Variants in CNTN5 observed in about 807,000 individuals in gnomAD.
CNTN5 encodes contactin-5.
A neutral mutation model predicts 129.1 loss-of-function variants in CNTN5; 77 were observed. The observed-to-expected ratio is 0.60, with a 90% CI of 0.50 to 0.72. The LOEUF is 0.72. Ranked by LOEUF, CNTN5 falls within the 30% of genes least tolerant of loss-of-function variation. CNTN5 has a pLI of 0.00. For synonymous variants in CNTN5, 509 were observed against 465.6 expected, an observed-to-expected ratio of 1.09 and a Z score of -1.20; for missense variants, 1,478 against 1,328.8, an observed-to-expected ratio of 1.11 and a Z score of -1.75.
rs1342365938 is a variant in CNTN5, at chr11:100,291,782, TAAATAAAA to T, written c.2315-5840_2315-5833del. Among the ~76,000 whole-genome samples the T allele has an allele frequency of 8.1e-3, 397 of 49,046 alleles. 2 individuals are homozygous for T. Among genetic ancestry groups the T allele is most frequent in the Non-Finnish European group, 0.018 (243 of 13,882 alleles). 32.2% of individuals were successfully genotyped at this position (49,046 alleles called of 152,430 possible). On this transcript the variant is annotated intron_variant, in intron 18 of 24. Transcript: ENST00000524871. ...ATAAATAAATAAATAAATAAATAAA[TAAATAAAA>T]AATATAAATAAATAAAAAATTAAAA...
intron 3 of CNTN5, among the ~76,000 whole-genome samples, chr11:99,659,660 T>G (rs949626340): frequency 2.6e-5 from 4 of 152,152 alleles, no homozygotes; most frequent in Admixed American, 6.6e-5. Context: ...GGAAGTAGAA[T>G]TCTCCCTTCC....
intron 1 of CNTN5, among the ~76,000 whole-genome samples, chr11:99,308,262 T>A (rs950700082): frequency 2.0e-5 from 3 of 152,106 alleles, no homozygotes; most frequent in African/African-American, 7.2e-5. Flanking sequence ...AAGCAACAAA[T>A]AAAGAGCTGT....
At chr11:100,255,673 T>A in intron 16 of CNTN5, 87 bp from the exon 17 acceptor site, 1 of 1,146,614 alleles carries the variant, frequency 8.7e-7, no homozygotes, top group Non-Finnish European at 1.3e-6. Context: ...ATTACATAGT[T>A]GGATGTGCTA....
At chr11:99,846,691 C>A (rs1448485093) in intron 6 of CNTN5, among the ~76,000 whole-genome samples, 2 of 152,020 alleles carry the variant, frequency 1.3e-5, no homozygotes, top group African/African-American at 4.8e-5. Context: ...TCTATGTAAT[C>A]TTTCCCAGGT....
intron 2 of CNTN5, among the ~76,000 whole-genome samples, chr11:99,370,195 T>G (rs1939740473): frequency 6.6e-6 from 1 of 152,216 alleles, no homozygotes; most frequent in Admixed American, 6.5e-5. Flanking sequence ...AGCTCTGTCA[T>G]AAACTATTTC....
At chr11:99,925,162 G>A (rs1467345096) in intron 7 of CNTN5, among the ~76,000 whole-genome samples, 2 of 152,092 alleles carry the variant, frequency 1.3e-5, no homozygotes, top group Admixed American at 6.5e-5. Flanking sequence ...GAATTGTGGT[G>A]GTATGCATAT....
In CNTN5 at chr11:99,724,442, G is replaced by C. The variant is rs12806864; in HGVS notation, c.56-95102G>C. ...ATTCCATATAGCAACACCACTACAC[G>C]ATTTTCACTTGACAATTATAACAGT... is the stretch of plus-strand genomic sequence containing the variant. On this transcript the variant is annotated intron_variant, in intron 3 of 24. Coordinates refer to ENST00000524871, the MANE Select transcript of CNTN5 (RefSeq NM_014361.4). 6.4e-3 allele frequency among the ~76,000 whole-genome samples: 970 copies of C among 152,202 alleles called. 2 individuals carry two copies. Among genetic ancestry groups the C allele is most frequent in the Non-Finnish European group, 0.01 (707 of 68,008 alleles).
rs181381778 is a variant in CNTN5, at chr11:100,264,891, T to C, written c.2165-6201T>C. Among the ~76,000 whole-genome samples, 421 of 152,242 alleles carry C rather than the reference T, an allele frequency of 2.8e-3. 9 individuals carry two copies. Among genetic ancestry groups the C allele is most frequent in the Admixed American group, 0.024 (374 of 15,274 alleles). On this transcript the variant is annotated intron_variant, in intron 17 of 24. Coordinates refer to ENST00000524871, the MANE Select transcript of CNTN5 (RefSeq NM_014361.4). ...CTATTTCTCCACAGCCTCACCAACA[T>C]CTGTTTTTTCTTGACTTTTTAGTAA... is the stretch of plus-strand genomic sequence containing the variant.
At chr11:99,989,935 T>A (rs921824302) in intron 8 of CNTN5, among the ~76,000 whole-genome samples, 2 of 152,036 alleles carry the variant, frequency 1.3e-5, no homozygotes, top group African/African-American at 4.8e-5. Context: ...ACAGCTACTT[T>A]TTTGTATTTT....
intron 15 of CNTN5, among the ~76,000 whole-genome samples, chr11:100,211,414 C>T (rs780893248): frequency 7.9e-5 from 12 of 151,512 alleles, no homozygotes; most frequent in Middle Eastern, 3.4e-3. Context: ...TGAAGACCAA[C>T]GGAATTGAGC....
chr11:99,599,861 G>C (rs763913736), intron 3 of CNTN5, among the ~76,000 whole-genome samples: 1 of 151,918 alleles, frequency 6.6e-6, no homozygotes, highest in Admixed American at 6.6e-5. Context: ...ACATTTAAAA[G>C]TCAATAAAAC....
intron 3 of CNTN5, among the ~76,000 whole-genome samples, chr11:99,617,284 G>T (rs1950791250): frequency 6.6e-6 from 1 of 152,194 alleles, no homozygotes; most frequent in Non-Finnish European, 1.5e-5. Context: ...CATCCTGGCT[G>T]CAGTGTAAGT....
chr11:99,295,580 G>A (rs961121834), intron 1 of CNTN5, among the ~76,000 whole-genome samples: 3 of 152,236 alleles, frequency 2.0e-5, no homozygotes, highest in Non-Finnish European at 4.4e-5. Context: ...TGTGGGTTAA[G>A]AGTTTTGACT....
chr11:99,357,880 T>C (rs1016724661), intron 2 of CNTN5, among the ~76,000 whole-genome samples: 1 of 151,214 alleles, frequency 6.6e-6, no homozygotes, highest in Non-Finnish European at 1.5e-5. Flanking sequence ...ACTTTCAACC[T>C]GTAGTCCCAG....
chr11:99,679,045 AT>A (rs930658619), intron 3 of CNTN5, among the ~76,000 whole-genome samples: 17 of 147,404 alleles, frequency 1.2e-4, no homozygotes, highest in African/African-American at 3.9e-4. Flanking sequence ...AAATATATGC[AT>A]TTTATATATA....
intron 4 of CNTN5, among the ~76,000 whole-genome samples, chr11:99,843,586 C>G (rs912711362): frequency 2.0e-5 from 3 of 152,044 alleles, no homozygotes; most frequent in Non-Finnish European, 4.4e-5. Context: ...AATAATTTCT[C>G]TTTATCTGTA....
chr11:99,107,775 C>CA (rs1332796508), intron 1 of CNTN5, among the ~76,000 whole-genome samples: 18 of 151,160 alleles, frequency 1.2e-4, no homozygotes, highest in Admixed American at 6.6e-5. Context: ...ACTAAAAATA[C>CA]AAAAAATTAG....
chr11:99,531,857 G>A (rs530982446), intron 2 of CNTN5, among the ~76,000 whole-genome samples: 1 of 152,190 alleles, frequency 6.6e-6, no homozygotes, highest in South Asian at 2.1e-4. Context: ...GGCCGCCCAG[G>A]CAAAAGTTTC....
At chr11:99,950,260 C>A (rs750893828) in intron 7 of CNTN5, among the ~76,000 whole-genome samples, 9 of 152,018 alleles carry the variant, frequency 5.9e-5, no homozygotes, top group Non-Finnish European at 1.0e-4. Context: ...GGGTGGATCA[C>A]GAGGTCAGGA....
Sources: allele counts gnomAD v4.1 joint callset (sites outside exome capture counted in the v4.1 genomes callset), GRCh38; gene constraint gnomAD v4.1.1; transcripts MANE v1.5; gene names NCBI Gene and HGNC (gene_info 2026-07-23, HGNC 2026-07-21).